Variants in OTUD3 observed in about 807,000 individuals in gnomAD.
The protein encoded by OTUD3 is OTU deubiquitinase 3.
OTUD3 carries 24 observed loss-of-function variants against 46.2 expected under a neutral mutation model. That is an observed-to-expected ratio of 0.52 (90% CI 0.38 to 0.73). OTUD3 has a LOEUF of 0.73. Among genes scored for constraint, OTUD3 ranks in the 30% least tolerant of loss-of-function variants. The pLI is 0.00. For missense variants in OTUD3, 455 were observed against 523.3 expected (o/e 0.87, Z 1.27); for synonymous variants, 189 against 195.4 (o/e 0.97, Z 0.27).
chr1:19,904,331 C>T lies in OTUD3; in HGVS notation c.671C>T (p.Ser224Phe), dbSNP rs779631390. Residue 224 changes from serine to phenylalanine, a missense_variant, in exon 5 of 8, where the codon TCT becomes TTT. Ser to Phe is a radical substitution (Grantham distance 155). Transcript: ENST00000375120. ...AAGATCAAGACAAAGGGAATGGACT[C>T]TGAAGACGACCTGAGAGATGAAGTA... ...REKIKTKGMD[S>F]EDDLRDEVED... 6.2e-6 allele frequency: 10 copies of T among 1,612,670 alleles called. No homozygotes were observed. Among genetic ancestry groups the T allele is most frequent in the Non-Finnish European group, 8.5e-6 (10 of 1,178,968 alleles).
At chr1:19,883,658 TTTGTAGAGA>T (rs77361212) in intron 1 of OTUD3, among the ~76,000 whole-genome samples, 51,821 of 151,928 alleles carry the variant, frequency 0.34, 9,141 homozygotes, top group Non-Finnish European at 0.4. Context: ...TTATTGTTAT[TTTGTAGAGA>T]CGGTGATTTT....
chr1:19,906,971 T>C (rs1247561300), intron 7 of OTUD3: 1 of 173,262 alleles, frequency 5.8e-6, no homozygotes, highest in Non-Finnish European at 1.2e-5. Flanking sequence ...TCTTTGGTTT[T>C]TGCATTATTT....
At position 19,907,732 on chromosome 1, in the gene OTUD3, G is replaced by A. The variant is rs142918335; in HGVS notation, c.1183G>A (p.Ala395Thr). The part of the protein sequence containing the change: ...TQVTLVKTFA[A>T]LNI The stretch of plus-strand genomic sequence containing the variant: ...GGTCACCTTGGTGAAGACCTTCGCC[G>A]CTCTCAACATCTGACTCTTTGGCCT... The change falls in exon 8 of 8, where the codon GCT (alanine) becomes ACT (threonine). Residue 395 changes from alanine (A) to threonine (T), a missense_variant. Coordinates refer to ENST00000375120, the MANE Select transcript of OTUD3 (RefSeq NM_015207.2). 1.3e-5 allele frequency: 21 copies of A among 1,614,022 alleles called. No individual in the cohort carries two copies. Among genetic ancestry groups the A allele is most frequent in the Non-Finnish European group, 1.7e-5 (20 of 1,179,914 alleles).
intron 1 of OTUD3, among the ~76,000 whole-genome samples, chr1:19,885,572 G>A (rs879571090): frequency 1.3e-5 from 2 of 152,132 alleles, no homozygotes; most frequent in African/African-American, 2.4e-5. Context: ...TCTTGCCTCA[G>A]CCTCCTGAGT....
At position 19,910,855 on chromosome 1, in the gene OTUD3, G is replaced by A. The variant is rs75715674; in HGVS notation, c.*3109G>A. On this transcript the variant is annotated 3_prime_UTR_variant, in exon 8 of 8. Transcript: ENST00000375120. Reference sequence around the variant, plus strand: ...GGTGGGAGGAGGGCCACCTTCAGTCGGGGAGTTGCTCACATATTACACAGG... The same window carrying A: ...GGTGGGAGGAGGGCCACCTTCAGTCAGGGAGTTGCTCACATATTACACAGG... The A allele has an allele frequency of 0.058, 8,851 of 152,432 alleles. 396 individuals are homozygous for A. Among genetic ancestry groups the A allele is most frequent in the Admixed American group, 0.11 (1,728 of 15,278 alleles). The allele number at this position is 152,432 out of a possible 1,614,324, so 9.4% of individuals were successfully genotyped here. A position where few individuals can be genotyped will look rare whatever the true frequency, so the allele number is the denominator to read the frequency against.
At chr1:19,904,449 C>T (rs1441036803) in intron 5 of OTUD3, 51 bp downstream of exon 5, 1 of 1,547,530 alleles carries the variant, frequency 6.5e-7, no homozygotes, top group Non-Finnish European at 8.8e-7. Flanking sequence ...ATTGCTGTGC[C>T]TAGCTTACTT....
intron 3 of OTUD3, among the ~76,000 whole-genome samples, chr1:19,896,185 A>G (rs965218953): frequency 7.2e-5 from 11 of 152,248 alleles, no homozygotes; most frequent in African/African-American, 2.6e-4. Context: ...AATAAAGAGT[A>G]GGCTTATACT....
intron 2 of OTUD3, among the ~76,000 whole-genome samples, chr1:19,891,058 A>G (rs1434805878): frequency 6.6e-6 from 1 of 152,206 alleles, no homozygotes; most frequent in African/African-American, 2.4e-5. Context: ...CCATCTGGGG[A>G]TGATGGGACT....
At position 19,896,624 on chromosome 1, in the gene OTUD3, A is replaced by G. The variant is rs550968725; in HGVS notation, c.484-916A>G. Among the ~76,000 whole-genome samples, 44 of 152,298 alleles carry G rather than the reference A, an allele frequency of 2.9e-4. 1 individual carries two copies. Among genetic ancestry groups the G allele is most frequent in the Admixed American group, 2.4e-3 (37 of 15,298 alleles). ...TTTGCTTTGTCTTTAGACCATGGATACTGTTTAAAGTAAGGGCAGTATCTT... is the reference window on the plus strand; with the variant it reads ...TTTGCTTTGTCTTTAGACCATGGATGCTGTTTAAAGTAAGGGCAGTATCTT... On this transcript the variant is annotated intron_variant, in intron 3 of 7. Coordinates refer to ENST00000375120, the MANE Select transcript of OTUD3 (RefSeq NM_015207.2).
chr1:19,904,677 T>C (rs1024884200), intron 5 of OTUD3, among the ~76,000 whole-genome samples: 23 of 152,368 alleles, frequency 1.5e-4, no homozygotes, highest in African/African-American at 5.0e-4. Context: ...TGCAGTTTTA[T>C]AGAGGGAATT....
At chr1:19,891,021 T>C (rs1023475458) in intron 2 of OTUD3, among the ~76,000 whole-genome samples, 95 of 152,328 alleles carry the variant, frequency 6.2e-4, no homozygotes, top group African/African-American at 2.2e-3. Context: ...GATAACAAAA[T>C]TAAAATAAGC....
intron 1 of OTUD3, among the ~76,000 whole-genome samples, chr1:19,885,293 C>T (rs572754189): frequency 2.0e-5 from 3 of 152,278 alleles, no homozygotes; most frequent in Middle Eastern, 3.4e-3. Flanking sequence ...CTTCATGGAG[C>T]TAACCACCTT....
chr1:19,902,987 A>G (rs933393131), intron 4 of OTUD3, among the ~76,000 whole-genome samples: 1 of 150,794 alleles, frequency 6.6e-6, no homozygotes, highest in African/African-American at 2.4e-5. Context: ...GGTGGTTTCC[A>G]GTTATTCACC....
Position 19,882,615 on chromosome 1 carries a change from C to G in OTUD3, c.102C>G (p.Ala34=), listed in dbSNP as rs1188561606. The change falls in exon 1 of 8, where the codon GCC becomes GCG. Residue 34 remains alanine, a synonymous_variant. Coordinates refer to ENST00000375120, the MANE Select transcript of OTUD3 (RefSeq NM_015207.2). ...AGCGGGCGGCGCGCCGGGCCCTGGCCAAGGAGCGGCGGAATCGGCCGGAGT... is the reference window on the plus strand; with the variant it reads ...AGCGGGCGGCGCGCCGGGCCCTGGCGAAGGAGCGGCGGAATCGGCCGGAGT... ...RDERAARRAL[A]KERRNRPESG... 1.4e-6 allele frequency: 2 copies of G among 1,455,222 alleles called. No individual in the cohort carries two copies. The highest frequency in any genetic ancestry group is 1.8e-6 in the Non-Finnish European group (2 of 1,106,460). The allele number at this position is 1,455,222 out of a possible 1,614,324, so 90.1% of individuals were successfully genotyped here.
At chr1:19,895,773 C>T (rs970993697) in intron 3 of OTUD3, among the ~76,000 whole-genome samples, 1 of 152,076 alleles carries the variant, frequency 6.6e-6, no homozygotes, top group African/African-American at 2.4e-5. Context: ...ACTGGTTACC[C>T]CTTTGTTCTA....
intron 4 of OTUD3, among the ~76,000 whole-genome samples, chr1:19,898,106 G>A (rs1229232861): frequency 1.3e-5 from 2 of 151,686 alleles, no homozygotes; most frequent in Non-Finnish European, 2.9e-5. Context: ...GTGCCACCAT[G>A]CCCGGCTAAT....
chr1:19,903,906 G>A (rs1241092439), intron 4 of OTUD3, among the ~76,000 whole-genome samples: 1 of 152,150 alleles, frequency 6.6e-6, no homozygotes, highest in East Asian at 1.9e-4. Flanking sequence ...TTCACCAGGT[G>A]CGAGTATAGA....
At chr1:19,891,837 G>A (rs760021842) in intron 2 of OTUD3, among the ~76,000 whole-genome samples, 3 of 152,202 alleles carry the variant, frequency 2.0e-5, no homozygotes, top group African/African-American at 7.2e-5. Flanking sequence ...ACTGAGTTCA[G>A]ATGGTCCCTC....
chr1:19,897,970 A>T (rs555004679), intron 4 of OTUD3, among the ~76,000 whole-genome samples: 10 of 141,898 alleles, frequency 7.0e-5, no homozygotes, highest in African/African-American at 2.1e-4. Context: ...TTAATTGGAG[A>T]TGGAGTTTCG....
Sources: gnomAD v4.1 joint callset for allele counts (sites outside exome capture counted in the v4.1 genomes callset) on GRCh38, gnomAD v4.1.1 for gene constraint, MANE v1.5 for transcripts, NCBI Gene and HGNC (gene_info 2026-07-23, HGNC 2026-07-21) for gene names.